DNAJC15: variants seen among roughly 807,000 people sequenced by gnomAD.
DNAJC15 encodes the protein dnaJ homolog subfamily C member 15.
DNAJC15 carries 27 observed loss-of-function variants against 22.4 expected under a neutral mutation model. The ratio of observed to expected loss-of-function variants is 1.20; its 90% confidence interval spans 0.89 to 1.66. DNAJC15 has a LOEUF of 1.66. Among genes scored for constraint, DNAJC15 ranks in the 40% most tolerant of loss-of-function variants. The pLI is 0.00. For missense variants in DNAJC15, 208 were observed against 187.1 expected (o/e 1.11, Z -0.65); for synonymous variants, 79 against 63.2 (o/e 1.25, Z -1.19).
intron 1 of DNAJC15, among the ~76,000 whole-genome samples, chr13:43,024,406 C>G (rs748704367): frequency 4.5e-5 from 6 of 132,868 alleles, no homozygotes; most frequent in Admixed American, 9.1e-5. Flanking sequence ...TGCAGTGGCG[C>G]GATCTCGGCT....
rs146653311 is a variant in DNAJC15 at position 43,053,409 on chromosome 13, A to G, written c.109-12277A>G. Among the ~76,000 whole-genome samples the G allele has an allele frequency of 3.2e-4, 49 of 152,148 alleles. No homozygotes were observed. In the East Asian group the frequency reaches 9.5e-3, roughly 29 times the overall value. On this transcript the variant is annotated intron_variant, in intron 1 of 5. Coordinates refer to ENST00000379221, the MANE Select transcript of DNAJC15 (RefSeq NM_013238.3). ...GGGCTGTTTTTTTGGTGCCGTATGA[A>G]TTTTAGGATTGTTTTTTCTAGCTCT...
At chr13:43,075,604 G>A (rs755407388) in intron 3 of DNAJC15, among the ~76,000 whole-genome samples, 8 of 151,806 alleles carry the variant, frequency 5.3e-5, no homozygotes, top group African/African-American at 7.3e-5. Context: ...AGGGAGTAAC[G>A]TATGCATCTA....
At chr13:43,033,037 C>G (rs2040410984) in intron 1 of DNAJC15, among the ~76,000 whole-genome samples, 1 of 152,108 alleles carries the variant, frequency 6.6e-6, no homozygotes, top group African/African-American at 2.4e-5. Flanking sequence ...GGAGGTGCTG[C>G]ATACCCCCAG....
intron 1 of DNAJC15, among the ~76,000 whole-genome samples, chr13:43,056,058 C>T (rs752125040): frequency 9.2e-5 from 14 of 151,626 alleles, no homozygotes; most frequent in Non-Finnish European, 1.6e-4. Context: ...TTGAGGGTTC[C>T]TTTTGGAGTT....
At chr13:43,091,037 G>A (rs1032437033) in intron 5 of DNAJC15, among the ~76,000 whole-genome samples, 4 of 151,918 alleles carry the variant, frequency 2.6e-5, no homozygotes. Context: ...AGACTTCTTT[G>A]TGGGAAGGTT....
At chr13:43,075,116 C>G (rs2040627354) in intron 3 of DNAJC15, among the ~76,000 whole-genome samples, 1 of 152,142 alleles carries the variant, frequency 6.6e-6, no homozygotes, top group Non-Finnish European at 1.5e-5. Flanking sequence ...GTATACTTTT[C>G]TGCACCCAGC....
At chr13:43,027,398 C>T (rs1924273) in intron 1 of DNAJC15, among the ~76,000 whole-genome samples, 45,875 of 151,866 alleles carry the variant, frequency 0.3, 7,015 homozygotes, top group African/African-American at 0.36. Flanking sequence ...GCTCTCCCTC[C>T]TCCCACCCCC....
intron 1 of DNAJC15, among the ~76,000 whole-genome samples, chr13:43,062,177 G>A (rs939032524): frequency 2.0e-5 from 3 of 152,158 alleles, no homozygotes; most frequent in Admixed American, 1.3e-4. Flanking sequence ...CTTGGAAACT[G>A]TTATTCATCC....
chr13:43,031,064 A>T (rs1336870550), intron 1 of DNAJC15, among the ~76,000 whole-genome samples: 1 of 152,152 alleles, frequency 6.6e-6, no homozygotes, highest in Non-Finnish European at 1.5e-5. Flanking sequence ...TAAAGGGGGC[A>T]GTCACGTGGC....
At chr13:43,065,845 CAT>C in intron 2 of DNAJC15, 108 bp downstream of exon 2, 2 of 903,098 alleles carry the variant, frequency 2.2e-6, no homozygotes, top group Non-Finnish European at 3.5e-6. Flanking sequence ...GGTTTTCAGA[CAT>C]AATACATTCT....
intron 5 of DNAJC15, among the ~76,000 whole-genome samples, chr13:43,090,570 A>G (rs974359267): frequency 1.3e-5 from 2 of 152,190 alleles, no homozygotes; most frequent in African/African-American, 2.4e-5. Flanking sequence ...GCCTCTATTC[A>G]TGAAAAAAAC....
At chr13:43,043,566 TTATCTA>T (rs2040463594) in intron 1 of DNAJC15, among the ~76,000 whole-genome samples, 1 of 152,252 alleles carries the variant, frequency 6.6e-6, no homozygotes, top group South Asian at 2.1e-4. Context: ...TAAAAAATCA[TTATCTA>T]TAGTGAAGAT....
At chr13:43,078,007 C>T (rs2040642265) in intron 3 of DNAJC15, among the ~76,000 whole-genome samples, 1 of 152,194 alleles carries the variant, frequency 6.6e-6, no homozygotes, top group Non-Finnish European at 1.5e-5. Context: ...GATTGTTATT[C>T]CAGTGCTCTG....
At chr13:43,094,496 G>T (rs1407777212) in intron 5 of DNAJC15, among the ~76,000 whole-genome samples, 4 of 152,198 alleles carry the variant, frequency 2.6e-5, no homozygotes, top group Admixed American at 6.5e-5. Context: ...TTCCAGCTGG[G>T]TTTCTGGGGT....
At chr13:43,045,749 A>T (rs541656371) in intron 1 of DNAJC15, among the ~76,000 whole-genome samples, 107 of 152,322 alleles carry the variant, frequency 7.0e-4, no homozygotes, top group African/African-American at 2.5e-3. Flanking sequence ...TGAGTATAAA[A>T]TATAAAACAA....
chr13:43,062,038 T>G (rs559341631), intron 1 of DNAJC15, among the ~76,000 whole-genome samples: 135 of 152,318 alleles, frequency 8.9e-4, no homozygotes, highest in African/African-American at 2.9e-3. Context: ...TCAGTGAGGA[T>G]CCTGGTAGTA....
chr13:43,044,861 T>C (rs2153439981), intron 1 of DNAJC15, among the ~76,000 whole-genome samples: 1 of 152,180 alleles, frequency 6.6e-6, no homozygotes, highest in East Asian at 1.9e-4. Flanking sequence ...GTGACCATTA[T>C]CTCTTTCATG....
intron 5 of DNAJC15, among the ~76,000 whole-genome samples, chr13:43,097,923 G>A (rs1472590789): frequency 6.6e-6 from 1 of 152,090 alleles, no homozygotes; most frequent in Non-Finnish European, 1.5e-5. Context: ...GGCAACAAGA[G>A]CAAAACTCCA....
At chr13:43,026,225 T>C (rs2040380100) in intron 1 of DNAJC15, among the ~76,000 whole-genome samples, 1 of 152,246 alleles carries the variant, frequency 6.6e-6, no homozygotes, top group South Asian at 2.1e-4. Flanking sequence ...ATTCAGTCTG[T>C]ACTAAAACAG....
Sources: gnomAD v4.1 joint callset for allele counts (sites outside exome capture counted in the v4.1 genomes callset) on GRCh38, gnomAD v4.1.1 for gene constraint, MANE v1.5 for transcripts, NCBI Gene and HGNC (gene_info 2026-07-23, HGNC 2026-07-21) for gene names.